The following TTN variants were observed in gnomAD, a reference collection of about 807,000 sequenced individuals.
TTN encodes the protein titin.
A neutral mutation model predicts 3,223.0 loss-of-function variants in TTN; 1,525 were observed. The observed-to-expected ratio is 0.47, with a 90% CI of 0.45 to 0.49. The LOEUF is 0.49. Among genes scored for constraint, TTN ranks in the 20% least tolerant of loss-of-function variants. The probability of loss-of-function intolerance (pLI) is 0.00; values close to 1 mark genes in which losing one functional copy is unlikely to be tolerated. For synonymous variants in TTN, 14,094 were observed against 15,161.0 expected, an observed-to-expected ratio of 0.93 and a Z score of 5.17; for missense variants, 40,786 against 43,424.0, an observed-to-expected ratio of 0.94 and a Z score of 5.40.
chr2:178,718,759 G>C lies in TTN; in HGVS notation c.24441C>G (p.Asp8147Glu). ...CATCATTTGTAACGAGGCAAGAATA[G>C]TCTCCACTTTCTAATGGCTGCACCT... ...LFEVQPLESG[D>E]YSCLVTNDAG... The change falls in exon 84 of 363, where the codon GAC becomes GAG. Residue 8147 changes from aspartate to glutamate, a missense_variant. Physicochemically the swap from Asp to Glu is conservative, Grantham distance 45. Transcript: ENST00000589042. 1 of 1,613,786 alleles carries C rather than the reference G, an allele frequency of 6.2e-7. No individual in the cohort carries two copies. Among genetic ancestry groups the C allele is most frequent in the Non-Finnish European group, 8.5e-7 (1 of 1,179,726 alleles).
At position 178,630,261 on chromosome 2, in the gene TTN, C is replaced by A. The variant is rs377344521; in HGVS notation, c.44261G>T (p.Ser14754Ile). 2 of 1,613,034 alleles carry A rather than the reference C, an allele frequency of 1.2e-6. No homozygotes were observed. Among genetic ancestry groups the A allele is most frequent in the Non-Finnish European group, 1.7e-6 (2 of 1,179,442 alleles). Residue 14754 changes from serine to isoleucine, a missense_variant, in exon 239 of 363, where the codon AGT becomes ATT. Physicochemically the swap from Ser to Ile is moderately radical, Grantham distance 142. Transcript: ENST00000589042. ...VDFQAANVKS[S>I]AHLRVKPRVI... The stretch of plus-strand genomic sequence containing the variant: ...CTTACGCTTAACTCGGAGGTGGGCA[C>A]TAGATTTAACATTGGCAGCTTGGAA...
chr2:178,533,122 A>T lies in TTN; in HGVS notation c.103493T>A (p.Val34498Glu). 6.2e-7 allele frequency: 1 copy of T among 1,613,926 alleles called. No individual in the cohort carries two copies. Among genetic ancestry groups the T allele is most frequent in the South Asian group, 1.1e-5 (1 of 91,080 alleles). ...AGCTTCTCTCAGAGCCTCTTTAGCT[A>T]CCTGTGTCAGTGGTACACTTTCAGT... ...SGTESVPLTQ[V>E]AKEALREAAV... is the part of the protein sequence containing the mutation. Residue 34498 changes from valine (V) to glutamate (E), a missense_variant, in exon 358 of 363, where the codon GTA (valine) becomes GAA (glutamate). Physicochemically the swap from Val to Glu is moderately radical, Grantham distance 121. Transcript: ENST00000589042.
At position 178,634,870 on chromosome 2, in the gene TTN, T is replaced by G. The variant is rs1041950677; in HGVS notation, c.42025-21A>C. 1.7e-5 allele frequency: 28 copies of G among 1,600,726 alleles called. No homozygotes were observed. The highest frequency in any genetic ancestry group is 2.4e-5 in the Non-Finnish European group (28 of 1,176,186). ...CAAGTCTGAAAAACAATAGTTTTAG[T>G]AACCATTTGAAAGAGATAAATTCCC... On this transcript the variant is annotated intron_variant, in intron 228 of 362. Transcript: ENST00000589042. This position sits in a 1 kb window ranked among gnomAD's most constrained non-coding sequence, Gnocchi z 4.6.
At chr2:178,718,283 A>C in intron 85 of TTN, 39 bp downstream of exon 85, 1 of 1,599,466 alleles carries the variant, frequency 6.3e-7, no homozygotes, top group Non-Finnish European at 8.5e-7. Flanking sequence ...GATGTTTGAA[A>C]AGAAAGAGAG....
In TTN at chr2:178,733,324, A is replaced by T; in HGVS notation, c.15969T>A (p.Ala5323=). The change falls in exon 54 of 363, where the codon GCT becomes GCA. Residue 5323 remains alanine (A), a synonymous_variant. Transcript: ENST00000589042. ...NNVAQLKFYS[A]ELHDSGQYTF... ...TGTATTGGCCACTGTCGTGCAGCTC[A>T]GCTGAATAAAATTTGAGCTGGGCAA... is the stretch of plus-strand genomic sequence containing the variant. 3.7e-6 allele frequency: 6 copies of T among 1,613,850 alleles called. No homozygotes were observed. Among genetic ancestry groups the T allele is most frequent in the African/African-American group, 1.3e-5 (1 of 75,064 alleles).
chr2:178,789,638 G>T, intron 12 of TTN, 141 bp from the exon 13 acceptor site: 1 of 1,170,820 alleles, frequency 8.5e-7, no homozygotes, highest in Non-Finnish European at 1.2e-6. Context: ...CACCGGCAAT[G>T]TCTACATATA....
rs550617268 is a variant in TTN at position 178,728,764 on chromosome 2, C to T, written c.19162G>A (p.Val6388Ile). 4.2e-5 allele frequency: 67 copies of T among 1,599,902 alleles called. No individual in the cohort carries two copies. The highest frequency in any genetic ancestry group is 1.1e-4 in the East Asian group (5 of 44,488). ...ACATCAACTGATTTAGCTTTCTCTACGATTTGAGCTGGTTCTGTAGTAAAA... is the reference window on the plus strand; with the variant it reads ...ACATCAACTGATTTAGCTTTCTCTATGATTTGAGCTGGTTCTGTAGTAAAA... The part of the protein sequence containing the change: ...FLLVQEPAQI[V>I]EKAKSVDVTE... Residue 6388 changes from valine (V) to isoleucine (I), a missense_variant, in exon 66 of 363, where the codon GTA (valine) becomes ATA (isoleucine). By Grantham distance (29) the Val-to-Ile change is conservative (BLOSUM62 3). Transcript: ENST00000589042.
In TTN at chr2:178,576,314, G is replaced by C. The variant is rs371067787; in HGVS notation, c.69818C>G (p.Thr23273Ser). The C allele has an allele frequency of 6.4e-7, 1 of 1,573,540 alleles. No individual in the cohort carries two copies. Among genetic ancestry groups the C allele is most frequent in the Non-Finnish European group, 8.6e-7 (1 of 1,163,912 alleles). ...TTTTTGATGCTCCACGACATAGCCAGTGATTTCAAGTCCACCATCATAATG... is the reference window on the plus strand; with the variant it reads ...TTTTTGATGCTCCACGACATAGCCACTGATTTCAAGTCCACCATCATAATG... ...KPHYDGGLEI[T>S]GYVVEHQKVG... is the part of the protein sequence containing the mutation. The change falls in exon 326 of 363, where the codon ACT becomes AGT. Residue 23273 changes from threonine to serine, a missense_variant. Physicochemically the swap from Thr to Ser is moderately conservative, Grantham distance 58. Transcript: ENST00000589042. The surrounding 1 kb of genome is among the most constrained non-coding windows in gnomAD (Gnocchi z 4.3).
chr2:178,764,058 C>T, intron 43 of TTN, 119 bp downstream of exon 43: 1 of 1,442,724 alleles, frequency 6.9e-7, no homozygotes, highest in Admixed American at 1.7e-5. Flanking sequence ...TGTTAGATTT[C>T]CATTAAGCTT....
intron 13 of TTN, among the ~76,000 whole-genome samples, chr2:178,788,751 AT>A (rs1203067697): frequency 1.3e-5 from 2 of 152,042 alleles, no homozygotes; most frequent in African/African-American, 2.4e-5. Flanking sequence ...TTCATGGCTT[AT>A]GTGTAATTGT....
rs771570803 is a variant in TTN at position 178,769,824 on chromosome 2, C to T, written c.8757G>A (p.Val2919=). 1 of 1,614,048 alleles carries T rather than the reference C, an allele frequency of 6.2e-7. No individual in the cohort carries two copies. Among genetic ancestry groups the T allele is most frequent in the Non-Finnish European group, 8.5e-7 (1 of 1,179,990 alleles). Reference sequence around the variant, plus strand: ...TGAACTTTTCACTCATCTCAATTTCCACACCATTCTTCAGCCACATGGAAG... The same window carrying T: ...TGAACTTTTCACTCATCTCAATTTCTACACCATTCTTCAGCCACATGGAAG... ...NVPSMWLKNG[V]EIEMSEKFKI... The change falls in exon 37 of 363, where the codon GTG becomes GTA. Residue 2919 remains valine (V), a synonymous_variant. Transcript: ENST00000589042.
At position 178,757,499 on chromosome 2, in the gene TTN, G is replaced by A. The variant is rs372317161; in HGVS notation, c.10678+43C>T. The A allele has an allele frequency of 1.5e-4, 232 of 1,506,406 alleles. 3 individuals are homozygous for A. The highest frequency in any genetic ancestry group is 2.7e-5 in the Non-Finnish European group (30 of 1,127,702). 93.3% of individuals were successfully genotyped at this position (1,506,406 alleles called of 1,614,324 possible). A position where few individuals can be genotyped will look rare whatever the true frequency, so the allele number is the denominator to read the frequency against. Reference sequence around the variant, plus strand: ...CTCATTAGTAACAGTGGGACTGAGAGGTATACAGCAAATCAAAGTCCTTGA... The same window carrying A: ...CTCATTAGTAACAGTGGGACTGAGAAGTATACAGCAAATCAAAGTCCTTGA... On this transcript the variant is annotated intron_variant, in intron 45 of 362. Coordinates refer to ENST00000589042, the MANE Select transcript of TTN (RefSeq NM_001267550.2).
Position 178,553,793 on chromosome 2 carries a change from G to A in TTN, c.89212C>T (p.Pro29738Ser). ...AADPIDPPGP[P>S]AKIRIADSTK... The stretch of plus-strand genomic sequence containing the variant: ...GAATCTGCGATTCTTATCTTAGCAG[G>A]TGGACCTGGAGGATCTGGAATGGCC... The change falls in exon 334 of 363, where the codon CCT (proline) becomes TCT (serine). Residue 29738 changes from proline (P) to serine (S), a missense_variant. Transcript: ENST00000589042. 6 of 1,597,944 alleles carry A rather than the reference G, an allele frequency of 3.8e-6. No individual in the cohort carries two copies. Among genetic ancestry groups the A allele is most frequent in the Non-Finnish European group, 4.3e-6 (5 of 1,171,012 alleles).
chr2:178,590,361 T>A lies in TTN; in HGVS notation c.61364A>T (p.Glu20455Val). 6.3e-7 allele frequency: 1 copy of A among 1,578,288 alleles called. No individual in the cohort carries two copies. Among genetic ancestry groups the A allele is most frequent in the Non-Finnish European group, 8.6e-7 (1 of 1,162,988 alleles). Reference sequence around the variant, plus strand: ...TTCTGCTAGTTCTCTTGGCTCACCCTCTCCTACAATATTAGCTGCCTTTAT... The same window carrying A: ...TTCTGCTAGTTCTCTTGGCTCACCCACTCCTACAATATTAGCTGCCTTTAT... ...FRIKAANIVG[E>V]GEPRELAESV... The change falls in exon 304 of 363, where the codon GAG becomes GTG. Residue 20455 changes from glutamate (E) to valine (V), a missense_variant. By Grantham distance (121) the Glu-to-Val change is moderately radical. Transcript: ENST00000589042.
chr2:178,699,214 T>A (rs2074307696), intron 111 of TTN, among the ~76,000 whole-genome samples: 1 of 151,808 alleles, frequency 6.6e-6, no homozygotes, highest in African/African-American at 2.4e-5. Flanking sequence ...TCATAAATAG[T>A]AAAGTACACA....
At position 178,704,330 on chromosome 2, in the gene TTN, C is replaced by G. The variant is rs745949099; in HGVS notation, c.30040G>C (p.Val10014Leu). The change falls in exon 106 of 363, where the codon GTA becomes CTA. Residue 10014 changes from valine (V) to leucine (L), a missense_variant. Transcript: ENST00000589042. ...QTCTMTCQFS[V>L]PNVKSEWFRN... Reference sequence around the variant, plus strand: ...AACCATTCAGATTTTACATTTGGTACAGAAAATTGGCATGTCATGGTGCAA... The same window carrying G: ...AACCATTCAGATTTTACATTTGGTAGAGAAAATTGGCATGTCATGGTGCAA... 3 of 1,613,882 alleles carry G rather than the reference C, an allele frequency of 1.9e-6. No individual in the cohort carries two copies. The African/African-American group carries it at 4.0e-5, about 22-fold the overall frequency.
intron 259 of TTN, 92 bp from the exon 260 acceptor site, chr2:178,615,060 G>A: frequency 8.8e-7 from 1 of 1,137,736 alleles, no homozygotes. Context: ...CAAACCCCTG[G>A]TATAATACTA....
Position 178,729,809 on chromosome 2 carries a change from G to A in TTN, c.18444C>T (p.Ala6148=). The A allele has an allele frequency of 6.2e-7, 1 of 1,613,682 alleles. No individual in the cohort carries two copies. Among genetic ancestry groups the A allele is most frequent in the East Asian group, 2.2e-5 (1 of 44,840 alleles). ...SWYLDGNEIT[A]IQKHGISFID... ...TGAAGGAAATGCCATGTTTCTGAAT[G>A]GCTGTTATTTCATTCCCGTCTAGAT... is the stretch of plus-strand genomic sequence containing the variant. Residue 6148 remains alanine, a synonymous_variant, in exon 63 of 363, where the codon GCC becomes GCT. Coordinates refer to ENST00000589042, the MANE Select transcript of TTN (RefSeq NM_001267550.2).
chr2:178,731,436 C>G lies in TTN; in HGVS notation c.17330G>C (p.Arg5777Thr), dbSNP rs759657332. Residue 5777 changes from arginine to threonine, a missense_variant, in exon 59 of 363, where the codon AGA becomes ACA. By Grantham distance (71) the Arg-to-Thr change is moderately conservative. Coordinates refer to ENST00000589042, the MANE Select transcript of TTN (RefSeq NM_001267550.2). ...SDEITEDDNI[R>T]MTFENNVASL... ...GGCCACATTGTTCTCAAAGGTCATTCTTATATTATCGTCTTCAGTGATTTC... is the reference window on the plus strand; with the variant it reads ...GGCCACATTGTTCTCAAAGGTCATTGTTATATTATCGTCTTCAGTGATTTC... The G allele has an allele frequency of 6.2e-7, 1 of 1,613,736 alleles. No individual in the cohort carries two copies. Among genetic ancestry groups the G allele is most frequent in the South Asian group, 1.1e-5 (1 of 91,070 alleles).
Sources: allele counts gnomAD v4.1 joint callset (sites outside exome capture counted in the v4.1 genomes callset), GRCh38; gene constraint gnomAD v4.1.1; non-coding constraint Gnocchi (gnomAD v3.1); transcripts MANE v1.5; gene names NCBI Gene and HGNC (gene_info 2026-07-23, HGNC 2026-07-21).